PICK1: variants seen among roughly 807,000 people sequenced by gnomAD.
PICK1 encodes protein interacting with PRKCA 1.
Under a neutral mutation model 48.9 loss-of-function variants are expected in PICK1, and 23 were observed. That is an observed-to-expected ratio of 0.47 (90% CI 0.34 to 0.67). The LOEUF (loss-of-function observed/expected upper bound fraction) is 0.67. Ranked by LOEUF, PICK1 falls within the 30% of genes least tolerant of loss-of-function variation. The probability of loss-of-function intolerance (pLI) is 0.01; values close to 1 mark genes in which losing one functional copy is unlikely to be tolerated. For synonymous variants in PICK1, 217 were observed against 228.2 expected (o/e 0.95, Z 0.44); for missense variants, 423 against 557.1 (o/e 0.76, Z 2.42).
intron 6 of PICK1, among the ~76,000 whole-genome samples, chr22:38,069,814 T>G (rs1213367895): frequency 6.6e-6 from 1 of 152,214 alleles, no homozygotes. Context: ...GTGCCGTGCC[T>G]ATAAATCCCT....
chr22:38,075,556 ACC>A lies in PICK1; in HGVS notation c.*426_*427del. ...AGGTTGGGGTCAATGCCTCCTGGGC[ACC>A]CTTGCCTCGCCCCAGACCGGCCCGT... On this transcript the variant is annotated 3_prime_UTR_variant, in exon 13 of 13. Transcript: ENST00000356976. 1 of 183,802 alleles carries A rather than the reference ACC, an allele frequency of 5.4e-6. No individual in the cohort carries two copies. Among genetic ancestry groups the A allele is most frequent in the Non-Finnish European group, 1.2e-5 (1 of 86,882 alleles). 11.4% of individuals were successfully genotyped at this position (183,802 alleles called of 1,614,324 possible). A position where few individuals can be genotyped will look rare whatever the true frequency, so the allele number is the denominator to read the frequency against.
Position 38,057,531 on chromosome 22 carries a change from G to T in PICK1, c.-114G>T. On this transcript the variant is annotated 5_prime_UTR_variant, in exon 1 of 13. Transcript: ENST00000356976. ...GCTCCCCAGGGCCTGGAGACCCGTG[G>T]GGCGGACTCTGGGATCTGAGCCTAT... The T allele has an allele frequency of 2.0e-6, 1 of 504,922 alleles. No homozygotes were observed. Among genetic ancestry groups the T allele is most frequent in the Non-Finnish European group, 3.6e-6 (1 of 279,228 alleles). 31.3% of individuals were successfully genotyped at this position (504,922 alleles called of 1,614,324 possible).
At position 38,066,653 on chromosome 22, in the gene PICK1, C is replaced by T. The variant is rs2085533043; in HGVS notation, c.283-1051C>T. Among the ~76,000 whole-genome samples, 1 of 152,248 alleles carries T rather than the reference C, an allele frequency of 6.6e-6. No individual in the cohort carries two copies. Among genetic ancestry groups the T allele is most frequent in the Non-Finnish European group, 1.5e-5 (1 of 68,040 alleles). The stretch of plus-strand genomic sequence containing the variant: ...TGCTCCCTGTGGGGTGGCCCCTGAG[C>T]ACGCCTGTGTTTCATTCTGCGGGAG... On this transcript the variant is annotated intron_variant, in intron 4 of 12. Transcript: ENST00000356976. This position sits in a 1 kb window ranked among gnomAD's most constrained non-coding sequence, Gnocchi z 4.1.
Position 38,057,779 on chromosome 22 carries a change from A to G in PICK1, c.-31A>G. The G allele has an allele frequency of 6.2e-7, 1 of 1,604,434 alleles. No homozygotes were observed. Among genetic ancestry groups the G allele is most frequent in the South Asian group, 1.1e-5 (1 of 90,910 alleles). ...TCCCCATTCCCCTACCGAGCTGGGC[A>G]GTTAGCCAGCCCACTCCAACTCTCG... On this transcript the variant is annotated 5_prime_UTR_variant, in exon 2 of 13. Transcript: ENST00000356976.
Position 38,073,231 on chromosome 22 carries a change from A to G in PICK1, c.783+139A>G. Reference sequence around the variant, plus strand: ...GCTCCAGGTGTGGGCCCAGAGGCCCAGGGAGGTGCAGCCAAAGCCCTGCTG... The same window carrying G: ...GCTCCAGGTGTGGGCCCAGAGGCCCGGGGAGGTGCAGCCAAAGCCCTGCTG... On this transcript the variant is annotated intron_variant, in intron 10 of 12. Coordinates refer to ENST00000356976, the MANE Select transcript of PICK1 (RefSeq NM_012407.4). This position sits in a 1 kb window ranked among gnomAD's most constrained non-coding sequence, Gnocchi z 5.7. 3 of 713,334 alleles carry G rather than the reference A, an allele frequency of 4.2e-6. No homozygotes were observed. Among genetic ancestry groups the G allele is most frequent in the Non-Finnish European group, 7.7e-6 (3 of 389,782 alleles). 44.2% of individuals were successfully genotyped at this position (713,334 alleles called of 1,614,324 possible).
Position 38,074,713 on chromosome 22 carries a change from C to T in PICK1, c.980-151C>T. ...GCCCCGGGCTGGGCGGCCCCTGCCT[C>T]CGCCCCTTGCCAGGTCATGAGGGGT... is the stretch of plus-strand genomic sequence containing the variant. On this transcript the variant is annotated intron_variant, in intron 12 of 12. Transcript: ENST00000356976. This position sits in a 1 kb window ranked among gnomAD's most constrained non-coding sequence, Gnocchi z 4.5. The T allele has an allele frequency of 8.9e-7, 1 of 1,123,322 alleles. No individual in the cohort carries two copies. Among genetic ancestry groups the T allele is most frequent in the Non-Finnish European group, 1.3e-6 (1 of 787,486 alleles). The allele number at this position is 1,123,322 out of a possible 1,614,324, so 69.6% of individuals were successfully genotyped here. A position where few individuals can be genotyped will look rare whatever the true frequency, so the allele number is the denominator to read the frequency against.
chr22:38,060,497 T>C (rs571739916), intron 3 of PICK1, among the ~76,000 whole-genome samples: 1 of 152,280 alleles, frequency 6.6e-6, no homozygotes, highest in East Asian at 1.9e-4. Context: ...AACTGGCCTC[T>C]GTGAGGATCT....
At chr22:38,072,390 C>T (rs1362975866) in intron 8 of PICK1, 87 bp from the exon 9 acceptor site, 1 of 1,511,412 alleles carries the variant, frequency 6.6e-7, no homozygotes, top group East Asian at 2.3e-5. Flanking sequence ...GCCTGCCAGG[C>T]CCCCTGCCCT....
At chr22:38,072,900 T>G in intron 9 of PICK1, 100 bp from the exon 10 acceptor site, 2 of 887,214 alleles carry the variant, frequency 2.3e-6, no homozygotes, top group South Asian at 1.3e-5. Flanking sequence ...CTGGCTCTGA[T>G]AGTCGAGTCC....
In PICK1 at chr22:38,074,003, G is replaced by A. The variant is rs1490303777; in HGVS notation, c.834+180G>A. 2.2e-5 allele frequency: 15 copies of A among 675,314 alleles called. No individual in the cohort carries two copies. Among genetic ancestry groups the A allele is most frequent in the Admixed American group, 2.2e-4 (9 of 41,628 alleles). 41.8% of individuals were successfully genotyped at this position (675,314 alleles called of 1,614,324 possible). A position where few individuals can be genotyped will look rare whatever the true frequency, so the allele number is the denominator to read the frequency against. Reference sequence around the variant, plus strand: ...GCCTCGGGGTGCTGGGCACCCGGCCGGGAACCACTCCCTCAGTCTGGGGGA... The same window carrying A: ...GCCTCGGGGTGCTGGGCACCCGGCCAGGAACCACTCCCTCAGTCTGGGGGA... On this transcript the variant is annotated intron_variant, in intron 11 of 12. Coordinates refer to ENST00000356976, the MANE Select transcript of PICK1 (RefSeq NM_012407.4). The surrounding 1 kb of genome is among the most constrained non-coding windows in gnomAD (Gnocchi z 4.5).
chr22:38,072,302 A>G (rs988476050), intron 8 of PICK1, among the ~76,000 whole-genome samples, 175 bp from the exon 9 acceptor site: 1 of 152,134 alleles, frequency 6.6e-6, no homozygotes, highest in Non-Finnish European at 1.5e-5. Flanking sequence ...AGTTTCCTCC[A>G]GGTGTAGACT....
At chr22:38,057,611 C>T in intron 1 of PICK1, 24 bp downstream of exon 1, 1 of 604,142 alleles carries the variant, frequency 1.7e-6, no homozygotes. Context: ...ACCCAGCCCC[C>T]CACCCGGAGA....
intron 3 of PICK1, among the ~76,000 whole-genome samples, chr22:38,061,330 G>A (rs1204499891): frequency 2.8e-5 from 4 of 145,412 alleles, no homozygotes; most frequent in Non-Finnish European, 6.0e-5. Context: ...AGTTGAGTGA[G>A]ACTCCGTCTC....
At chr22:38,065,453 G>A (rs1275529559) in intron 4 of PICK1, among the ~76,000 whole-genome samples, 1 of 152,218 alleles carries the variant, frequency 6.6e-6, no homozygotes, top group African/African-American at 2.4e-5. Context: ...GTCAGTGCCA[G>A]AGCTGAAGCT....
Position 38,075,196 on chromosome 22 carries a change from G to T in PICK1, c.*64G>T. 1.3e-6 allele frequency: 2 copies of T among 1,510,332 alleles called. No individual in the cohort carries two copies. Among genetic ancestry groups the T allele is most frequent in the East Asian group, 2.3e-5 (1 of 43,538 alleles). The allele number at this position is 1,510,332 out of a possible 1,614,324, so 93.6% of individuals were successfully genotyped here. ...GAGGACGGAGCCTGGGAGCGGGGCG[G>T]GGCCGCCGCGCAAGGGGGCGACGCA... On this transcript the variant is annotated 3_prime_UTR_variant, in exon 13 of 13. Coordinates refer to ENST00000356976, the MANE Select transcript of PICK1 (RefSeq NM_012407.4).
At chr22:38,067,100 G>A (rs1276126199) in intron 4 of PICK1, among the ~76,000 whole-genome samples, 1 of 152,088 alleles carries the variant, frequency 6.6e-6, no homozygotes, top group South Asian at 2.1e-4. Flanking sequence ...AGTGTGGTTT[G>A]CGTGGGGAGG....
chr22:38,064,470 C>T (rs1373089413), intron 3 of PICK1, among the ~76,000 whole-genome samples: 5 of 152,126 alleles, frequency 3.3e-5, no homozygotes, highest in African/African-American at 1.2e-4. Flanking sequence ...TGTCAAAAAT[C>T]ATTTGATGCC....
chr22:38,070,688 A>T (rs1014284436), intron 6 of PICK1, 150 bp from the exon 7 acceptor site: 12 of 718,442 alleles, frequency 1.7e-5, no homozygotes, highest in Non-Finnish European at 3.0e-5. Context: ...AACCCAGCTG[A>T]CCCGAGCTGC....
Position 38,067,139 on chromosome 22 carries a change from C to G in PICK1, c.283-565C>G, listed in dbSNP as rs913454470. ...GAAGGAGAGCCTGACCTGGCCGAAG[C>G]ACAAGACATCAGAGACCGCCAGGCT... On this transcript the variant is annotated intron_variant, in intron 4 of 12. Coordinates refer to ENST00000356976, the MANE Select transcript of PICK1 (RefSeq NM_012407.4). 2.6e-5 allele frequency among the ~76,000 whole-genome samples: 4 copies of G among 152,196 alleles called. No individual in the cohort carries two copies. The East Asian group carries it at 7.7e-4, about 29-fold the overall frequency.
Sources: allele counts gnomAD v4.1 joint callset (sites outside exome capture counted in the v4.1 genomes callset), GRCh38; gene constraint gnomAD v4.1.1; non-coding constraint Gnocchi (gnomAD v3.1); transcripts MANE v1.5; gene names NCBI Gene and HGNC (gene_info 2026-07-23, HGNC 2026-07-21).